LUZP2: variants seen among roughly 807,000 people sequenced by gnomAD.
The protein encoded by LUZP2 is leucine zipper protein 2.
LUZP2 carries 52 observed loss-of-function variants against 51.6 expected under a neutral mutation model. The ratio of observed to expected loss-of-function variants is 1.01; its 90% CI spans 0.81 to 1.27. The LOEUF (loss-of-function observed/expected upper bound fraction) is 1.27. LUZP2 is among the 50% of genes most tolerant of loss of function. The probability of loss-of-function intolerance (pLI) is 0.00; values close to 1 mark genes in which losing one functional copy is unlikely to be tolerated. For synonymous variants in LUZP2, 154 were observed against 137.3 expected, an observed-to-expected ratio of 1.12 and a Z score of -0.85; for missense variants, 436 against 395.4, an observed-to-expected ratio of 1.10 and a Z score of -0.87.
chr11:24,788,575 G>A (rs1849314806), intron 5 of LUZP2, among the ~76,000 whole-genome samples: 1 of 151,986 alleles, frequency 6.6e-6, no homozygotes, highest in Admixed American at 6.6e-5. Context: ...TGATATTCCT[G>A]TGTATTAATC....
At chr11:24,992,374 G>A (rs1856376155) in intron 9 of LUZP2, among the ~76,000 whole-genome samples, 1 of 152,054 alleles carries the variant, frequency 6.6e-6, no homozygotes, top group South Asian at 2.1e-4. Context: ...TGTGATGGGG[G>A]ATGGGTGAAC....
At chr11:24,600,983 G>A (rs1429549828) in intron 1 of LUZP2, among the ~76,000 whole-genome samples, 1 of 152,070 alleles carries the variant, frequency 6.6e-6, no homozygotes, top group Non-Finnish European at 1.5e-5. Context: ...GTACTAATCA[G>A]TTCAGTTTAA....
At chr11:24,953,657 A>C (rs895802945) in intron 7 of LUZP2, among the ~76,000 whole-genome samples, 1 of 152,028 alleles carries the variant, frequency 6.6e-6, no homozygotes, top group African/African-American at 2.4e-5. Flanking sequence ...GAGACTTTTC[A>C]GTAAAAATAC....
chr11:24,997,034 T>G (rs557675596), intron 9 of LUZP2, among the ~76,000 whole-genome samples: 133 of 149,696 alleles, frequency 8.9e-4, no homozygotes, highest in African/African-American at 3.2e-3. Flanking sequence ...GACATTTGGG[T>G]TGGTTCCAAG....
At chr11:24,926,187 A>ATG (rs772818034) in intron 7 of LUZP2, among the ~76,000 whole-genome samples, 113 of 149,528 alleles carry the variant, frequency 7.6e-4, no homozygotes, top group Admixed American at 1.2e-3. Context: ...TGTTATATAT[A>ATG]TGTGTATATA....
chr11:24,918,714 T>C (rs78556647), intron 7 of LUZP2, among the ~76,000 whole-genome samples: 2 of 151,262 alleles, frequency 1.3e-5, no homozygotes, highest in Non-Finnish European at 2.9e-5. Flanking sequence ...AAGCCAAACT[T>C]AAAATCCCGT....
intron 9 of LUZP2, among the ~76,000 whole-genome samples, chr11:25,038,341 A>T (rs1265472601): frequency 1.3e-5 from 2 of 152,158 alleles, no homozygotes; most frequent in African/African-American, 2.4e-5. Flanking sequence ...TGTACCAGGC[A>T]TACCTGCTAC....
At chr11:24,913,148 C>T (rs1348280468) in intron 6 of LUZP2, among the ~76,000 whole-genome samples, 1 of 151,854 alleles carries the variant, frequency 6.6e-6, no homozygotes, top group Non-Finnish European at 1.5e-5. Context: ...TTTTCATTAC[C>T]CTCCAAAATG....
chr11:24,769,744 T>C (rs1860335474), intron 5 of LUZP2, among the ~76,000 whole-genome samples: 1 of 151,140 alleles, frequency 6.6e-6, no homozygotes, highest in Non-Finnish European at 1.5e-5. Context: ...ACTCATTCGA[T>C]AGCTCAAGGT....
chr11:24,860,004 G>T (rs901242897), intron 5 of LUZP2, among the ~76,000 whole-genome samples: 5 of 152,212 alleles, frequency 3.3e-5, no homozygotes, highest in African/African-American at 1.2e-4. Context: ...GCTCCTGGGG[G>T]AGGGGTAGCA....
chr11:25,022,031 T>G (rs1177445735), intron 9 of LUZP2, among the ~76,000 whole-genome samples: 1 of 151,972 alleles, frequency 6.6e-6, no homozygotes, highest in Non-Finnish European at 1.5e-5. Flanking sequence ...GAAATGTTTT[T>G]CCCTCCTCAG....
intron 1 of LUZP2, among the ~76,000 whole-genome samples, chr11:24,543,823 C>CAAAAAAAAAAAAA (rs71041774): frequency 6.6e-5 from 5 of 75,592 alleles, no homozygotes; most frequent in East Asian, 4.5e-4. Flanking sequence ...CTCTGTCTCA[C>CAAAAAAAAAAAAA]AAAAAAAAAA....
At chr11:25,026,877 T>G (rs1857508799) in intron 9 of LUZP2, among the ~76,000 whole-genome samples, 1 of 126,280 alleles carries the variant, frequency 7.9e-6, no homozygotes, top group Non-Finnish European at 1.8e-5. Context: ...ATTATTATTT[T>G]TTTTCTTTCT....
chr11:24,600,095 G>A (rs1853570994), intron 1 of LUZP2, among the ~76,000 whole-genome samples: 1 of 151,692 alleles, frequency 6.6e-6, no homozygotes, highest in African/African-American at 2.4e-5. Flanking sequence ...AATTAAGATG[G>A]GTCCTACTGA....
chr11:24,543,891 AT>A (rs1309307514), intron 1 of LUZP2, among the ~76,000 whole-genome samples: 4 of 147,756 alleles, frequency 2.7e-5, no homozygotes, highest in East Asian at 2.0e-4. Context: ...ATATTTAGGT[AT>A]TGTTAAAGTG....
chr11:24,763,500 C>A (rs7939941), intron 5 of LUZP2, among the ~76,000 whole-genome samples, 192 bp downstream of exon 5: 24,006 of 151,912 alleles, frequency 0.16, 2,251 homozygotes, highest in African/African-American at 0.24. Flanking sequence ...TATATTTGAT[C>A]ATTTCATTAG....
At position 24,732,154 on chromosome 11, in the gene LUZP2, G is replaced by C; in HGVS notation, c.217G>C (p.Val73Leu). 1 of 1,609,540 alleles carries C rather than the reference G, an allele frequency of 6.2e-7. No individual in the cohort carries two copies. Residue 73 changes from valine to leucine, a missense_variant, in exon 3 of 12, where the codon GTT (valine) becomes CTT (leucine). Coordinates refer to ENST00000336930, the MANE Select transcript of LUZP2 (RefSeq NM_001009909.4). ...KNDEQSAKTD[V>L]QKLLELGQKQ... The stretch of plus-strand genomic sequence containing the variant: ...CGATGAGCAGTCTGCCAAAACTGAT[G>C]TTCAGAAACTTCTGGAATTAGGACA...
chr11:24,854,794 G>A (rs1851505836), intron 5 of LUZP2, among the ~76,000 whole-genome samples: 1 of 152,198 alleles, frequency 6.6e-6, no homozygotes, highest in Non-Finnish European at 1.5e-5. Context: ...TCTGCAGGTT[G>A]CAAAGCCCAT....
intron 1 of LUZP2, among the ~76,000 whole-genome samples, chr11:24,716,895 C>CAA (rs141515496): frequency 1.3e-5 from 2 of 151,024 alleles, no homozygotes; most frequent in African/African-American, 4.9e-5. Context: ...GACTACATCT[C>CAA]AAAAAAATTT....
Sources: allele counts gnomAD v4.1 joint callset (sites outside exome capture counted in the v4.1 genomes callset), GRCh38; gene constraint gnomAD v4.1.1; transcripts MANE v1.5; gene names NCBI Gene and HGNC (gene_info 2026-07-23, HGNC 2026-07-21).